GTSE1: variants seen among roughly 807,000 people sequenced by gnomAD.
GTSE1 encodes the protein G2 and S phase-expressed protein 1.
A neutral mutation model predicts 60.5 loss-of-function variants in GTSE1; 52 were observed. The observed-to-expected ratio is 0.86, with a 90% CI of 0.69 to 1.08. GTSE1 has a LOEUF of 1.08. Among genes scored for constraint, GTSE1 ranks in the 50% least tolerant of loss-of-function variants. The pLI is 0.00. For missense variants in GTSE1, 937 were observed against 961.8 expected (o/e 0.97, Z 0.34); for synonymous variants, 368 against 386.5 (o/e 0.95, Z 0.56).
chr22:46,328,545 T>C, intron 9 of GTSE1, 143 bp from the exon 10 acceptor site: 1 of 619,760 alleles, frequency 1.6e-6, no homozygotes, highest in East Asian at 2.7e-5. Context: ...CACAGGAAAC[T>C]GGGGGTCTGG....
rs1251824694 is a variant in GTSE1 at position 46,324,556 on chromosome 22, A to T, written c.1505+1294A>T. 6.6e-6 allele frequency among the ~76,000 whole-genome samples: 1 copy of T among 151,926 alleles called. No homozygotes were observed. The highest frequency in any genetic ancestry group is 6.6e-5 in the Admixed American group (1 of 15,252). ...CTAAGTTTTTGTATTTTTAGTAGAGACGGGGTTTCACCGTGTTAGCCAGGA... is the reference window on the plus strand; with the variant it reads ...CTAAGTTTTTGTATTTTTAGTAGAGTCGGGGTTTCACCGTGTTAGCCAGGA... On this transcript the variant is annotated intron_variant, in intron 8 of 11. Coordinates refer to ENST00000454366, the MANE Select transcript of GTSE1 (RefSeq NM_016426.7). The surrounding 1 kb of genome is among the most constrained non-coding windows in gnomAD (Gnocchi z 5.2).
At chr22:46,322,073 CAAA>C (rs769915567) in intron 7 of GTSE1, among the ~76,000 whole-genome samples, 2,387 of 43,924 alleles carry the variant, frequency 0.054, 15 homozygotes, top group African/African-American at 0.061. Flanking sequence ...GACTCTGTCT[CAAA>C]AAAAAAAAAA....
chr22:46,315,526 C>T (rs918847837), intron 6 of GTSE1, among the ~76,000 whole-genome samples: 2 of 152,342 alleles, frequency 1.3e-5, no homozygotes, highest in South Asian at 2.1e-4. Context: ...TTTACCAGAT[C>T]GTCTGCGTAT....
chr22:46,299,833 G>C (rs1340349795), intron 2 of GTSE1, among the ~76,000 whole-genome samples: 1 of 150,838 alleles, frequency 6.6e-6, no homozygotes, highest in Non-Finnish European at 1.5e-5. Flanking sequence ...CTCACTGTTG[G>C]CCAGGCTGGA....
Position 46,314,038 on chromosome 22 carries a change from G to A in GTSE1, c.1051+25G>A. 1 of 1,613,136 alleles carries A rather than the reference G, an allele frequency of 6.2e-7. No individual in the cohort carries two copies. On this transcript the variant is annotated intron_variant, in intron 6 of 11. Transcript: ENST00000454366. This position sits in a 1 kb window ranked among gnomAD's most constrained non-coding sequence, Gnocchi z 7.1. Reference sequence around the variant, plus strand: ...GGTGAGGCAGCCGGCATCATGCTTGGACCCACATCTGGCCAGGTGAGGCCT... The same window carrying A: ...GGTGAGGCAGCCGGCATCATGCTTGAACCCACATCTGGCCAGGTGAGGCCT...
chr22:46,303,195 C>T (rs114406569), intron 2 of GTSE1, among the ~76,000 whole-genome samples: 2,192 of 152,176 alleles, frequency 0.014, 45 homozygotes, highest in African/African-American at 0.05. Flanking sequence ...CCACCCTGCC[C>T]GGTCTACTTT....
In GTSE1 at chr22:46,313,592, T is replaced by A. The variant is rs1234092682; in HGVS notation, c.928-298T>A. 1.3e-5 allele frequency among the ~76,000 whole-genome samples: 2 copies of A among 152,216 alleles called. No individual in the cohort carries two copies. Among genetic ancestry groups the A allele is most frequent in the Non-Finnish European group, 2.9e-5 (2 of 68,032 alleles). ...GGCACGAGCTCAGCTCACTACAACC[T>A]CCACCTCCCGGGTTCAAGCAATTCT... On this transcript the variant is annotated intron_variant, in intron 5 of 11. Coordinates refer to ENST00000454366, the MANE Select transcript of GTSE1 (RefSeq NM_016426.7). The surrounding 1 kb of genome is among the most constrained non-coding windows in gnomAD (Gnocchi z 4.4).
Position 46,308,369 on chromosome 22 carries a change from G to T in GTSE1, c.188G>T (p.Arg63Ile), listed in dbSNP as rs1233138021. ...TTCGGACCCTTTGGACATAAAGAAA[G>T]ATGTATTGCTGCCAGCTTGGAATTA... ...VFFGPFGHKE[R>I]CIAASLELNN... is the part of the protein sequence containing the mutation. The change falls in exon 4 of 12, where the codon AGA becomes ATA. Residue 63 changes from arginine to isoleucine, a missense_variant. Physicochemically the swap from Arg to Ile is moderately conservative, Grantham distance 97. Transcript: ENST00000454366. The T allele has an allele frequency of 6.2e-7, 1 of 1,614,008 alleles. No individual in the cohort carries two copies. Among genetic ancestry groups the T allele is most frequent in the South Asian group, 1.1e-5 (1 of 91,090 alleles).
chr22:46,317,956 G>A lies in GTSE1; in HGVS notation c.1432+1544G>A, dbSNP rs2077790732. On this transcript the variant is annotated intron_variant, in intron 7 of 11. Transcript: ENST00000454366. The surrounding 1 kb of genome is among the most constrained non-coding windows in gnomAD (Gnocchi z 5.6). ...CCTTGAGGACTCCTGCCCTGCACCT[G>A]TGCACTGCCTGGTGCTCAGCCAGAG... Among the ~76,000 whole-genome samples, 1 of 152,230 alleles carries A rather than the reference G, an allele frequency of 6.6e-6. No homozygotes were observed.
At position 46,329,130 on chromosome 22, in the gene GTSE1, G is replaced by A. The variant is rs1471973407; in HGVS notation, c.1927-228G>A. The A allele has an allele frequency of 3.2e-6, 2 of 625,836 alleles. No homozygotes were observed. Among genetic ancestry groups the A allele is most frequent in the Non-Finnish European group, 2.8e-6 (1 of 354,792 alleles). The allele number at this position is 625,836 out of a possible 1,614,324, so 38.8% of individuals were successfully genotyped here. On this transcript the variant is annotated intron_variant, in intron 10 of 11. Coordinates refer to ENST00000454366, the MANE Select transcript of GTSE1 (RefSeq NM_016426.7). The surrounding 1 kb of genome is among the most constrained non-coding windows in gnomAD (Gnocchi z 6.4). Reference sequence around the variant, plus strand: ...TCAAAGCTGAGGAAGCGGGAAGCAGGGTGGCAGGAGCTGGTGGCTGCTGGT... The same window carrying A: ...TCAAAGCTGAGGAAGCGGGAAGCAGAGTGGCAGGAGCTGGTGGCTGCTGGT...
chr22:46,303,984 T>G (rs2077703318), intron 2 of GTSE1, among the ~76,000 whole-genome samples: 1 of 152,058 alleles, frequency 6.6e-6, no homozygotes, highest in Non-Finnish European at 1.5e-5. Context: ...GACATATAGT[T>G]TGAGTGAGAA....
In GTSE1 at chr22:46,313,310, C is replaced by T. The variant is rs1438733932; in HGVS notation, c.928-580C>T. 6.6e-6 allele frequency among the ~76,000 whole-genome samples: 1 copy of T among 152,058 alleles called. No individual in the cohort carries two copies. Among genetic ancestry groups the T allele is most frequent in the Admixed American group, 6.6e-5 (1 of 15,262 alleles). ...TACTGGCAGTTCTTGTTAGAACTGCCCAAAGCTGGGCCCTGCAGCTGCTGA... is the reference window on the plus strand; with the variant it reads ...TACTGGCAGTTCTTGTTAGAACTGCTCAAAGCTGGGCCCTGCAGCTGCTGA... On this transcript the variant is annotated intron_variant, in intron 5 of 11. Coordinates refer to ENST00000454366, the MANE Select transcript of GTSE1 (RefSeq NM_016426.7). The surrounding 1 kb of genome is among the most constrained non-coding windows in gnomAD (Gnocchi z 4.4).
chr22:46,307,813 TAAA>T (rs554618997), intron 2 of GTSE1, among the ~76,000 whole-genome samples: 3 of 142,272 alleles, frequency 2.1e-5, no homozygotes, highest in African/African-American at 5.0e-5. Context: ...CTGATGCAAT[TAAA>T]AAAAAAAAAA....
chr22:46,306,885 G>C (rs553554340), intron 2 of GTSE1, among the ~76,000 whole-genome samples: 2 of 152,290 alleles, frequency 1.3e-5, no homozygotes, highest in South Asian at 4.1e-4. Context: ...ATAAATATTT[G>C]CTAAGTGTCC....
In GTSE1 at chr22:46,317,631, C is replaced by A. The variant is rs2077788975; in HGVS notation, c.1432+1219C>A. Among the ~76,000 whole-genome samples the A allele has an allele frequency of 6.6e-6, 1 of 152,158 alleles. No homozygotes were observed. Among genetic ancestry groups the A allele is most frequent in the Admixed American group, 6.5e-5 (1 of 15,276 alleles). On this transcript the variant is annotated intron_variant, in intron 7 of 11. Transcript: ENST00000454366. This position sits in a 1 kb window ranked among gnomAD's most constrained non-coding sequence, Gnocchi z 5.6. Reference sequence around the variant, plus strand: ...AATGTCTGGATTTTGTTGTCTTTCTCTGAGGAGTTGGGTTGGGCTTGGCAG... The same window carrying A: ...AATGTCTGGATTTTGTTGTCTTTCTATGAGGAGTTGGGTTGGGCTTGGCAG...
At chr22:46,315,423 G>A (rs2147823341) in intron 6 of GTSE1, among the ~76,000 whole-genome samples, 1 of 152,144 alleles carries the variant, frequency 6.6e-6, no homozygotes, top group South Asian at 2.1e-4. Flanking sequence ...TCGAACTCCT[G>A]GCCTTGAGTG....
At position 46,312,578 on chromosome 22, in the gene GTSE1, G is replaced by A. The variant is rs2018810647; in HGVS notation, c.927+273G>A. Among the ~76,000 whole-genome samples the A allele has an allele frequency of 6.0e-5, 9 of 149,220 alleles. No individual in the cohort carries two copies. The Admixed American group carries it at 6.0e-4, about 10-fold the overall frequency. On this transcript the variant is annotated intron_variant, in intron 5 of 11. Transcript: ENST00000454366. ...TGCTTGAGCCCAGGAGGTCGAGGCT[G>A]CAGTGAGTCATAATCACGCCACTGC...
In GTSE1 at chr22:46,319,953, C is replaced by G. The variant is rs1182784729; in HGVS notation, c.1433-3237C>G. 6.6e-6 allele frequency among the ~76,000 whole-genome samples: 1 copy of G among 151,050 alleles called. No individual in the cohort carries two copies. The highest frequency in any genetic ancestry group is 1.5e-5 in the Non-Finnish European group (1 of 67,870). ...TGAGCCGAGATGGTGTCACTGCACTCCAGCCTGGGCGACAGAACGAGACTG... is the reference window on the plus strand; with the variant it reads ...TGAGCCGAGATGGTGTCACTGCACTGCAGCCTGGGCGACAGAACGAGACTG... On this transcript the variant is annotated intron_variant, in intron 7 of 11. Transcript: ENST00000454366. This position sits in a 1 kb window ranked among gnomAD's most constrained non-coding sequence, Gnocchi z 5.0.
At chr22:46,328,615 C>CTTG in intron 9 of GTSE1, 73 bp from the exon 10 acceptor site, 1 of 1,199,194 alleles carries the variant, frequency 8.3e-7, no homozygotes, top group Non-Finnish European at 1.2e-6. Context: ...TCCAGAGTGA[C>CTTG]TTGCTTCCCA....
Sources: allele counts gnomAD v4.1 joint callset (sites outside exome capture counted in the v4.1 genomes callset), GRCh38; gene constraint gnomAD v4.1.1; non-coding constraint Gnocchi (gnomAD v3.1); transcripts MANE v1.5; gene names NCBI Gene and HGNC (gene_info 2026-07-23, HGNC 2026-07-21).